The following ZMYM5 variants were observed in gnomAD, a reference collection of about 807,000 sequenced individuals.
The protein encoded by ZMYM5 is zinc finger MYM-type containing 5.
ZMYM5 carries 41 observed loss-of-function variants against 61.8 expected under a neutral mutation model. The ratio of observed to expected loss-of-function variants is 0.66; its 90% confidence interval spans 0.52 to 0.86. ZMYM5 has a LOEUF of 0.86. ZMYM5 is among the 40% of genes least tolerant of loss of function. The probability of loss-of-function intolerance (pLI) is 0.00; values close to 1 mark genes in which losing one functional copy is unlikely to be tolerated. For synonymous variants in ZMYM5, 257 were observed against 276.4 expected (o/e 0.93, Z 0.70); for missense variants, 706 against 786.7 (o/e 0.90, Z 1.23).
At chr13:19,826,571 A>T (rs774591155) in intron 7 of ZMYM5, among the ~76,000 whole-genome samples, 1 of 151,906 alleles carries the variant, frequency 6.6e-6, no homozygotes, top group Non-Finnish European at 1.5e-5. Context: ...CCTAACCAAG[A>T]TGGTGAAAAC....
chr13:19,851,222 A>AAAAC (rs753905100), intron 4 of ZMYM5, 133 bp downstream of exon 4: 100 of 888,694 alleles, frequency 1.1e-4, no homozygotes, highest in South Asian at 2.0e-4. Context: ...TCGGTCTCCA[A>AAAAC]AAACAAACAA....
chr13:19,848,457 T>C (rs1953164255), intron 4 of ZMYM5, among the ~76,000 whole-genome samples: 1 of 151,876 alleles, frequency 6.6e-6, no homozygotes. Flanking sequence ...ATTATTATTA[T>C]TTTTTAAAGA....
chr13:19,825,721 C>T lies in ZMYM5; in HGVS notation c.1252-486G>A, dbSNP rs143648512. On this transcript the variant is annotated intron_variant, in intron 7 of 7. Transcript: ENST00000337963. Reference sequence around the variant, plus strand: ...AAGAAAAAAAAAGGTGACAACATACCACTTCATATCCAAGAGGATGACTAT... The same window carrying T: ...AAGAAAAAAAAAGGTGACAACATACTACTTCATATCCAAGAGGATGACTAT... 1.4e-3 allele frequency among the ~76,000 whole-genome samples: 218 copies of T among 151,068 alleles called. 1 individual carries two copies. The highest frequency in any genetic ancestry group is 4.0e-3 in the Admixed American group (60 of 15,142).
chr13:19,863,453 G>GGCCTCC lies in ZMYM5; in HGVS notation c.-88_-83dup, dbSNP rs2138700522. On this transcript the variant is annotated 5_prime_UTR_variant, in exon 1 of 8. Coordinates refer to ENST00000337963, the MANE Select transcript of ZMYM5 (RefSeq NM_001142684.2). Reference sequence around the variant, plus strand: ...CCATCTCCGCCTCCCCACTCACCTCGGCCTCCGCCTCCTCCTCCGGAGGCT... The same window carrying GGCCTCC: ...CCATCTCCGCCTCCCCACTCACCTCGGCCTCCGCCTCCGCCTCCTCCTCCGGAGGCT... 1 of 152,662 alleles carries GGCCTCC rather than the reference G, an allele frequency of 6.6e-6. No individual in the cohort carries two copies. The highest frequency in any genetic ancestry group is 1.5e-5 in the Non-Finnish European group (1 of 68,266). The allele number at this position is 152,662 out of a possible 1,614,324, so 9.5% of individuals were successfully genotyped here.
chr13:19,825,266 T>C lies in ZMYM5; in HGVS notation c.1252-31A>G, dbSNP rs147100346. The C allele has an allele frequency of 2.6e-4, 320 of 1,210,442 alleles. 3 individuals carry two copies. In the African/African-American group the frequency reaches 4.6e-3, roughly 17 times the overall value. 75.0% of individuals were successfully genotyped at this position (1,210,442 alleles called of 1,614,324 possible). ...GACAAAGAGGATTATAATTTTATTT[T>C]AGGTTAAACTTTTAAAAATTAATGT... On this transcript the variant is annotated intron_variant, in intron 7 of 7. Transcript: ENST00000337963.
intron 2 of ZMYM5, among the ~76,000 whole-genome samples, chr13:19,857,061 C>G (rs12017338): frequency 0.11 from 16,744 of 151,566 alleles, 1,205 homozygotes; most frequent in African/African-American, 0.2. Context: ...AGCCGAGATC[C>G]CGCCACTGCA....
intron 2 of ZMYM5, among the ~76,000 whole-genome samples, chr13:19,860,698 A>C (rs895339340): frequency 1.3e-5 from 2 of 151,884 alleles, no homozygotes; most frequent in African/African-American, 4.8e-5. Flanking sequence ...TCGGCCTCCC[A>C]AAGTGCTGGG....
At chr13:19,856,832 C>T (rs763739093) in intron 2 of ZMYM5, among the ~76,000 whole-genome samples, 1 of 151,892 alleles carries the variant, frequency 6.6e-6, no homozygotes, top group Non-Finnish European at 1.5e-5. Flanking sequence ...AAAGGCCGGG[C>T]GCAGTGGCTC....
intron 7 of ZMYM5, among the ~76,000 whole-genome samples, chr13:19,833,416 T>C (rs1169275458): frequency 6.6e-6 from 1 of 152,198 alleles, no homozygotes; most frequent in African/African-American, 2.4e-5. Flanking sequence ...TCAGAATAAT[T>C]TGGTACCTTC....
At chr13:19,844,785 C>T (rs537461084) in intron 4 of ZMYM5, among the ~76,000 whole-genome samples, 21 of 152,260 alleles carry the variant, frequency 1.4e-4, no homozygotes, top group African/African-American at 4.8e-4. Flanking sequence ...CCACGCCAAG[C>T]AAATTTTTTA....
chr13:19,837,787 G>A lies in ZMYM5; in HGVS notation c.907C>T (p.Pro303Ser), dbSNP rs1364355753. 1 of 1,593,500 alleles carries A rather than the reference G, an allele frequency of 6.3e-7. No homozygotes were observed. Among genetic ancestry groups the A allele is most frequent in the African/African-American group, 1.4e-5 (1 of 73,566 alleles). Residue 303 changes from proline to serine, a missense_variant, in exon 6 of 8, where the codon CCA becomes TCA. Pro to Ser is a moderately conservative substitution (Grantham distance 74). Coordinates refer to ENST00000337963, the MANE Select transcript of ZMYM5 (RefSeq NM_001142684.2). The stretch of plus-strand genomic sequence containing the variant: ...TGGAAGGATTTGCTTGATTCTACTG[G>A]AAGAATGACATTAGCCTTCTTTGTA... ...ASTKKANVILPVESSKSFQEF... is the reference protein window; with the variant it reads ...ASTKKANVILSVESSKSFQEF...
chr13:19,849,287 A>AT lies in ZMYM5; in HGVS notation c.586+2067dup, dbSNP rs1016256951. Among the ~76,000 whole-genome samples the AT allele has an allele frequency of 1.4e-3, 216 of 151,288 alleles. 1 individual carries two copies. The highest frequency in any genetic ancestry group is 4.9e-3 in the African/African-American group (202 of 41,274). Reference sequence around the variant, plus strand: ...AGGTGCACATCATGGCGCCTGGCTAATTTTTTTTTACTTTTTATAGAGATG... The same window carrying AT: ...AGGTGCACATCATGGCGCCTGGCTAATTTTTTTTTTACTTTTTATAGAGATG... On this transcript the variant is annotated intron_variant, in intron 4 of 7. Coordinates refer to ENST00000337963, the MANE Select transcript of ZMYM5 (RefSeq NM_001142684.2).
chr13:19,831,039 C>T (rs1891187126), intron 7 of ZMYM5, among the ~76,000 whole-genome samples: 1 of 151,822 alleles, frequency 6.6e-6, no homozygotes, highest in Non-Finnish European at 1.5e-5. Flanking sequence ...CAGGGTTTCA[C>T]CGTGTTAGCC....
chr13:19,851,808 T>A lies in ZMYM5; in HGVS notation c.373A>T (p.Ile125Leu), dbSNP rs9579718. The A allele has an allele frequency of 4.3e-6, 7 of 1,612,744 alleles. No homozygotes were observed. The highest frequency in any genetic ancestry group is 5.9e-6 in the Non-Finnish European group (7 of 1,179,754). ...TTCTCTGCTCCTCCATTTGTTTCTA[T>A]GTCCTCTTCATCATCAATAACAATT... ...ETIVIDDEED[I>L]ETNGGAEKKS... Residue 125 changes from isoleucine (I) to leucine (L), a missense_variant, in exon 3 of 8, where the codon ATA becomes TTA. By Grantham distance (5) the Ile-to-Leu change is conservative (BLOSUM62 2). Around this residue, in one of 2 missense-constraint regions of ZMYM5, gnomAD observed 480 missense variants for 461.7 expected, o/e 1.04. Coordinates refer to ENST00000337963, the MANE Select transcript of ZMYM5 (RefSeq NM_001142684.2).
In ZMYM5 at chr13:19,824,346, A is replaced by T. The variant is rs1890802522; in HGVS notation, c.*131T>A. On this transcript the variant is annotated 3_prime_UTR_variant, in exon 8 of 8. Transcript: ENST00000337963. ...TTGCTATTTATTTGCTATCATACTT[A>T]TTGCTAAGGAACTGCTGCAAGTTAC... 16 of 664,608 alleles carry T rather than the reference A, an allele frequency of 2.4e-5. No individual in the cohort carries two copies. The highest frequency in any genetic ancestry group is 3.1e-5 in the Non-Finnish European group (16 of 515,928). 41.2% of individuals were successfully genotyped at this position (664,608 alleles called of 1,614,324 possible). A position where few individuals can be genotyped will look rare whatever the true frequency, so the allele number is the denominator to read the frequency against.
At chr13:19,837,109 G>A (rs1952699544) in intron 6 of ZMYM5, among the ~76,000 whole-genome samples, 1 of 151,006 alleles carries the variant, frequency 6.6e-6, no homozygotes, top group African/African-American at 2.4e-5. Flanking sequence ...TCAGCTCACT[G>A]CAGCCTCCGC....
intron 2 of ZMYM5, among the ~76,000 whole-genome samples, chr13:19,855,828 G>A (rs1009535829): frequency 2.0e-4 from 30 of 151,330 alleles, no homozygotes; most frequent in African/African-American, 7.0e-4. Context: ...TGGCTAACAC[G>A]GTGAAAACCC....
intron 4 of ZMYM5, among the ~76,000 whole-genome samples, chr13:19,851,081 C>T (rs1248882298): frequency 6.6e-6 from 1 of 151,756 alleles, no homozygotes; most frequent in Non-Finnish European, 1.5e-5. Context: ...TGGTGGCAGG[C>T]GCCTGTAATC....
chr13:19,843,849 A>G (rs560430990), intron 4 of ZMYM5, among the ~76,000 whole-genome samples: 196 of 148,414 alleles, frequency 1.3e-3, no homozygotes, highest in Admixed American at 3.2e-3. Flanking sequence ...AAAAAAAAAA[A>G]GGGGGCCAGG....
Sources: gnomAD v4.1 joint callset for allele counts (sites outside exome capture counted in the v4.1 genomes callset) on GRCh38, gnomAD v4.1.1 for gene constraint, gnomAD v4.1.1 regional missense constraint, MANE v1.5 for transcripts, NCBI Gene and HGNC (gene_info 2026-07-23, HGNC 2026-07-21) for gene names.